The following KCTD1 variants were observed in gnomAD, a reference collection of about 807,000 sequenced individuals.
KCTD1 encodes the protein potassium channel tetramerization domain containing 1, also known as BTB/POZ domain-containing protein KCTD1.
KCTD1 carries 24 observed loss-of-function variants against 66.0 expected under a neutral mutation model. The observed-to-expected ratio is 0.36, with a 90% CI of 0.26 to 0.51. KCTD1 has a LOEUF of 0.51. Among genes scored for constraint, KCTD1 ranks in the 20% least tolerant of loss-of-function variants. The pLI is 0.95. For synonymous variants in KCTD1, 511 were observed against 517.2 expected, an observed-to-expected ratio of 0.99 and a Z score of 0.16; for missense variants, 943 against 1,205.2, an observed-to-expected ratio of 0.78 and a Z score of 3.22.
chr18:26,548,023 T>TGTTCTCGCTCAGCCGGGC lies in KCTD1; in HGVS notation c.496_513dup (p.Ala166_Asn171dup). 3 of 1,525,788 alleles carry TGTTCTCGCTCAGCCGGGC rather than the reference T, an allele frequency of 2.0e-6. No homozygotes were observed. Among genetic ancestry groups the TGTTCTCGCTCAGCCGGGC allele is most frequent in the Non-Finnish European group, 2.6e-6 (3 of 1,139,136 alleles). 94.5% of individuals were successfully genotyped at this position (1,525,788 alleles called of 1,614,324 possible). A position where few individuals can be genotyped will look rare whatever the true frequency, so the allele number is the denominator to read the frequency against. On this transcript the variant is annotated inframe_insertion, in exon 1 of 5. Coordinates refer to ENST00000580059, the MANE Select transcript of KCTD1 (RefSeq NM_001142730.3). ...ACGGCGTAGCGGGTGGCCAGCCGGGTGTTCTCGCTCAGCCGGGCCCGCTCG... is the reference window on the plus strand; with the variant it reads ...ACGGCGTAGCGGGTGGCCAGCCGGGTGTTCTCGCTCAGCCGGGCGTTCTCGCTCAGCCGGGCCCGCTCG...
chr18:26,500,746 G>A (rs1982718047), intron 2 of KCTD1, among the ~76,000 whole-genome samples: 1 of 152,172 alleles, frequency 6.6e-6, no homozygotes, highest in Admixed American at 6.5e-5. Context: ...TTTAAAGAAG[G>A]AAGGAACAAA....
intron 1 of KCTD1, among the ~76,000 whole-genome samples, chr18:26,625,508 C>A (rs1568013546): frequency 6.6e-6 from 1 of 152,148 alleles, no homozygotes; most frequent in East Asian, 1.9e-4. Context: ...TTCCTGCCAC[C>A]ATGTGGAGAA....
At chr18:26,585,305 TA>T (rs1210512700) in intron 1 of KCTD1, among the ~76,000 whole-genome samples, 1 of 152,194 alleles carries the variant, frequency 6.6e-6, no homozygotes, top group Admixed American at 6.5e-5. Context: ...ACCATATTGG[TA>T]ATATACTTAA....
At position 26,469,343 on chromosome 18, in the gene KCTD1, G is replaced by A. The variant is rs116398269; in HGVS notation, c.2133+7172C>T. ...GCTAATCCTAGGCAGGTGGGTGGGT[G>A]AGTCCTTAAGCAAACTGGCCACAGT... On this transcript the variant is annotated intron_variant, in intron 3 of 4. Transcript: ENST00000580059. Among the ~76,000 whole-genome samples, 441 of 152,238 alleles carry A rather than the reference G, an allele frequency of 2.9e-3. 2 individuals are homozygous for A. Among genetic ancestry groups the A allele is most frequent in the African/African-American group, 0.01 (421 of 41,532 alleles).
intron 1 of KCTD1, among the ~76,000 whole-genome samples, chr18:26,517,513 T>C (rs1383880485): frequency 6.6e-6 from 1 of 151,918 alleles, no homozygotes; most frequent in Non-Finnish European, 1.5e-5. Context: ...AAAAATTAGC[T>C]GAGCATGGTG....
chr18:26,639,895 G>A (rs768456554), intron 1 of KCTD1, among the ~76,000 whole-genome samples: 2 of 152,200 alleles, frequency 1.3e-5, no homozygotes, highest in Non-Finnish European at 2.9e-5. Context: ...ACACAGCATA[G>A]AATCAATACA....
chr18:26,464,139 C>T (rs1169790655), intron 3 of KCTD1, among the ~76,000 whole-genome samples: 1 of 152,254 alleles, frequency 6.6e-6, no homozygotes, highest in Non-Finnish European at 1.5e-5. Context: ...TAAGACAACA[C>T]AAATTTATTC....
intron 1 of KCTD1, among the ~76,000 whole-genome samples, chr18:26,525,405 G>A (rs1176883343): frequency 1.3e-5 from 2 of 152,190 alleles, no homozygotes; most frequent in African/African-American, 4.8e-5. Context: ...TACCTTTTGT[G>A]AGCCAATATT....
upstream of KCTD1, among the ~76,000 whole-genome samples, chr18:26,644,906 C>T (rs572053613): frequency 1.3e-5 from 2 of 152,280 alleles, no homozygotes; most frequent in African/African-American, 4.8e-5. Flanking sequence ...GATTGCTGAG[C>T]TGCAGAGATG....
chr18:26,510,925 A>G (rs562303352), intron 1 of KCTD1, among the ~76,000 whole-genome samples: 1 of 152,362 alleles, frequency 6.6e-6, no homozygotes, highest in Admixed American at 6.5e-5. Flanking sequence ...GGTACAATAA[A>G]AAATTCTAGC....
rs1269711689 is a variant in KCTD1, at chr18:26,548,298, T to C, written c.239A>G (p.Asp80Gly). 3.4e-6 allele frequency: 4 copies of C among 1,162,170 alleles called. No individual in the cohort carries two copies. Among genetic ancestry groups the C allele is most frequent in the South Asian group, 1.8e-5 (1 of 54,652 alleles). The allele number at this position is 1,162,170 out of a possible 1,614,324, so 72.0% of individuals were successfully genotyped here. A position where few individuals can be genotyped will look rare whatever the true frequency, so the allele number is the denominator to read the frequency against. ...QITGDEEEEE[D>G]GGGGLEEDEE... ...GTCCTCCTCCAGCCCCCCACCTCCGTCCTCCTCCTCCTCCTCGTCCCCCGT... is the reference window on the plus strand; with the variant it reads ...GTCCTCCTCCAGCCCCCCACCTCCGCCCTCCTCCTCCTCCTCGTCCCCCGT... The change falls in exon 1 of 5, where the codon GAC becomes GGC. Residue 80 changes from aspartate to glycine, a missense_variant. Around this residue, in one of 10 missense-constraint regions of KCTD1, gnomAD observed 236 missense variants for 206.6 expected, o/e 1.14. Transcript: ENST00000580059.
At chr18:26,492,883 T>C (rs1198452746) in intron 2 of KCTD1, among the ~76,000 whole-genome samples, 1 of 152,174 alleles carries the variant, frequency 6.6e-6, no homozygotes, top group African/African-American at 2.4e-5. Flanking sequence ...TCCCTACCTA[T>C]AAGGTTATAT....
At chr18:26,530,461 T>C (rs1984382975) in intron 1 of KCTD1, among the ~76,000 whole-genome samples, 1 of 152,218 alleles carries the variant, frequency 6.6e-6, no homozygotes, top group South Asian at 2.1e-4. Flanking sequence ...GCTGAAAGTC[T>C]AGATGTGGTG....
At chr18:26,562,601 C>T (rs1985886857) in intron 1 of KCTD1, among the ~76,000 whole-genome samples, 1 of 152,190 alleles carries the variant, frequency 6.6e-6, no homozygotes, top group Admixed American at 6.5e-5. Flanking sequence ...TGTCTTCATC[C>T]AAAGGCTGAT....
In KCTD1 at chr18:26,629,119, G is replaced by A. The variant is rs995069045; in HGVS notation, c.-16+28C>T. 1.2e-5 allele frequency: 11 copies of A among 939,856 alleles called. No individual in the cohort carries two copies. In the African/African-American group the frequency reaches 1.2e-4, roughly 11 times the overall value. 58.2% of individuals were successfully genotyped at this position (939,856 alleles called of 1,614,324 possible). A position where few individuals can be genotyped will look rare whatever the true frequency, so the allele number is the denominator to read the frequency against. On this transcript the variant is annotated intron_variant, in intron 1 of 4. Coordinates refer to the KCTD1 transcript ENST00000317932. The stretch of plus-strand genomic sequence containing the variant: ...GCAACAAATCTACAACAAATTATGA[G>A]GGAGGAAGTGTGGAAGGGTTTTCTT...
At chr18:26,522,863 G>C (rs887285745) in intron 1 of KCTD1, among the ~76,000 whole-genome samples, 1 of 152,078 alleles carries the variant, frequency 6.6e-6, no homozygotes, top group Non-Finnish European at 1.5e-5. Context: ...GGCTTACAGA[G>C]GGTTCAGTAA....
rs1984017212 is a variant in KCTD1, at chr18:26,523,550, C to CT, written c.1810-22301dup. On this transcript the variant is annotated intron_variant, in intron 1 of 4. Transcript: ENST00000580059. ...CCTGTAATTCCAGCTACTCAGGAGGCTGAGGCAGAAGGATCACTTGAGCCC... is the reference window on the plus strand; with the variant it reads ...CCTGTAATTCCAGCTACTCAGGAGGCTTGAGGCAGAAGGATCACTTGAGCCC... Among the ~76,000 whole-genome samples the CT allele has an allele frequency of 3.9e-5, 6 of 152,268 alleles. No individual in the cohort carries two copies. In the South Asian group the frequency reaches 8.3e-4, roughly 21 times the overall value.
chr18:26,521,431 T>TA lies in KCTD1; in HGVS notation c.1810-20182dup, dbSNP rs925252690. Among the ~76,000 whole-genome samples, 186 of 152,130 alleles carry TA rather than the reference T, an allele frequency of 1.2e-3. 3 individuals carry two copies. Among genetic ancestry groups the TA allele is most frequent in the African/African-American group, 4.0e-3 (168 of 41,498 alleles). ...TTCCAGGTAGCAGTCATCAAAGACT[T>TA]AAAAAAAATATTCCCTAAGAAACTG... On this transcript the variant is annotated intron_variant, in intron 1 of 4. Transcript: ENST00000580059.
chr18:26,611,771 C>T (rs939689192), intron 1 of KCTD1, among the ~76,000 whole-genome samples: 26 of 152,162 alleles, frequency 1.7e-4, no homozygotes, highest in Admixed American at 1.6e-3. Flanking sequence ...GCCTGGTAAT[C>T]TTTAATTGGA....
Sources: gnomAD v4.1 joint callset for allele counts (sites outside exome capture counted in the v4.1 genomes callset) on GRCh38, gnomAD v4.1.1 for gene constraint, gnomAD v4.1.1 regional missense constraint, MANE v1.5 for transcripts, NCBI Gene and HGNC (gene_info 2026-07-23, HGNC 2026-07-21) for gene names.